The following SMAD2 variants were observed in gnomAD, a reference collection of about 807,000 sequenced individuals.
The protein encoded by SMAD2 is SMAD family member 2.
A neutral mutation model predicts 64.4 loss-of-function variants in SMAD2; 8 were observed. That is an observed-to-expected ratio of 0.12 (90% CI 0.07 to 0.22). The LOEUF (loss-of-function observed/expected upper bound fraction) is 0.22. Among genes scored for constraint, SMAD2 ranks in the 10% least tolerant of loss-of-function variants. The pLI, the probability that SMAD2 is intolerant of heterozygous loss-of-function variation, is 1.00. For synonymous variants in SMAD2, 203 were observed against 195.8 expected (o/e 1.04, Z -0.31); for missense variants, 289 against 561.2 (o/e 0.51, Z 4.90).
intron 2 of SMAD2, among the ~76,000 whole-genome samples, chr18:47,882,041 C>CTTTTTTTTTTTTTGTTTTTTTTTTTTTTT: frequency 2.6e-5 from 1 of 38,850 alleles, no homozygotes; most frequent in Non-Finnish European, 4.8e-5. Flanking sequence ...CCACGCTTGG[C>CTTTTTTTTTTTTTGTTTTTTTTTTTTTTT]TTTTTTTTTT....
chr18:47,883,570 T>C (rs2032731184), intron 2 of SMAD2, among the ~76,000 whole-genome samples: 1 of 152,238 alleles, frequency 6.6e-6, no homozygotes, highest in Non-Finnish European at 1.5e-5. Context: ...AATTGAACTC[T>C]CCAATTGTGG....
intron 2 of SMAD2, among the ~76,000 whole-genome samples, chr18:47,879,967 T>A (rs549220316): frequency 2.0e-5 from 3 of 152,222 alleles, no homozygotes; most frequent in Non-Finnish European, 4.4e-5. Context: ...ATTTCTTTAC[T>A]GGACCTTTAT....
intron 6 of SMAD2, among the ~76,000 whole-genome samples, chr18:47,856,643 C>A (rs2030708709): frequency 6.6e-6 from 1 of 152,018 alleles, no homozygotes; most frequent in African/African-American, 2.4e-5. Context: ...CTAAAACCAG[C>A]CAGACATATA....
At chr18:47,857,030 TG>T (rs2030758971) in intron 6 of SMAD2, among the ~76,000 whole-genome samples, 1 of 151,930 alleles carries the variant, frequency 6.6e-6, no homozygotes. Context: ...GCTAATTTTT[TG>T]TATTTTTAGT....
At chr18:47,889,964 G>A (rs940455882) in intron 2 of SMAD2, among the ~76,000 whole-genome samples, 1 of 152,100 alleles carries the variant, frequency 6.6e-6, no homozygotes, top group Non-Finnish European at 1.5e-5. Flanking sequence ...GATTAATTTA[G>A]GTATAATTTC....
intron 2 of SMAD2, among the ~76,000 whole-genome samples, chr18:47,889,317 G>A (rs2033068836): frequency 6.6e-6 from 1 of 152,138 alleles, no homozygotes; most frequent in Non-Finnish European, 1.5e-5. Flanking sequence ...GACCACACAG[G>A]CCTGGAAGGA....
At chr18:47,900,285 G>A (rs1016650423) in intron 1 of SMAD2, among the ~76,000 whole-genome samples, 4 of 151,974 alleles carry the variant, frequency 2.6e-5, no homozygotes, top group Non-Finnish European at 5.9e-5. Context: ...ACTCAACTAG[G>A]ACTAGCCACA....
In SMAD2 at chr18:47,841,848, C is replaced by A. The variant is rs762443360; in HGVS notation, c.1383G>T (p.Val461=). The stretch of plus-strand genomic sequence containing the variant: ...AGCTTTATGACATGCTTGAGCAACG[C>A]ACTGAAGGGGATCCCATCTGAGTTA... The part of the protein sequence containing the change: ...KVLTQMGSPS[V]RCSSMS Residue 461 remains valine (V), a synonymous_variant, in exon 11 of 11, where the codon GTG becomes GTT. Transcript: ENST00000262160. The A allele has an allele frequency of 1.9e-6, 3 of 1,614,172 alleles. No individual in the cohort carries two copies. Among genetic ancestry groups the A allele is most frequent in the Non-Finnish European group, 2.5e-6 (3 of 1,180,016 alleles).
chr18:47,929,345 G>A (rs908486430), intron 1 of SMAD2, among the ~76,000 whole-genome samples: 1 of 152,166 alleles, frequency 6.6e-6, no homozygotes, highest in Non-Finnish European at 1.5e-5. Flanking sequence ...TCATTCATAC[G>A]AAACTATCAG....
At chr18:47,850,861 T>TGTATA (rs2029978031) in intron 7 of SMAD2, among the ~76,000 whole-genome samples, 1 of 82,858 alleles carries the variant, frequency 1.2e-5, no homozygotes, top group Admixed American at 2.0e-4. Flanking sequence ...ATATATATTA[T>TGTATA]ATATATTATG....
chr18:47,922,768 A>G (rs2034613721), intron 1 of SMAD2: 1 of 152,266 alleles, frequency 6.6e-6, no homozygotes, highest in Admixed American at 6.5e-5. Context: ...AAAAAAATTA[A>G]AATACATAAA....
At chr18:47,922,467 T>G (rs1598902392) in intron 1 of SMAD2, 1 of 152,318 alleles carries the variant, frequency 6.6e-6, no homozygotes, top group East Asian at 1.9e-4. Flanking sequence ...ATAACAACTA[T>G]TTACATTGTA....
rs1244575923 is a variant in SMAD2, at chr18:47,896,751, C to T, written c.6G>A (p.Ser2=). The change falls in exon 2 of 11, where the codon TCG becomes TCA. Residue 2 remains serine, a synonymous_variant. Coordinates refer to ENST00000262160, the MANE Select transcript of SMAD2 (RefSeq NM_005901.6). M[S]SILPFTPPVV... ...CTGGCGGCGTGAATGGCAAGATGGACGACATGTTCTTACCAAAGGCAGCAA... is the reference window on the plus strand; with the variant it reads ...CTGGCGGCGTGAATGGCAAGATGGATGACATGTTCTTACCAAAGGCAGCAA... The T allele has an allele frequency of 1.2e-5, 20 of 1,613,630 alleles. No homozygotes were observed. The highest frequency in any genetic ancestry group is 1.5e-5 in the Non-Finnish European group (18 of 1,179,920).
In SMAD2 at chr18:47,810,772, T is replaced by TA. The variant is rs1912174622; in HGVS notation, c.*31054dup. 1 of 151,878 alleles carries TA rather than the reference T, an allele frequency of 6.6e-6. No individual in the cohort carries two copies. The highest frequency in any genetic ancestry group is 1.9e-4 in the East Asian group (1 of 5,150). 9.4% of individuals were successfully genotyped at this position (151,878 alleles called of 1,614,324 possible). A position where few individuals can be genotyped will look rare whatever the true frequency, so the allele number is the denominator to read the frequency against. On this transcript the variant is annotated 3_prime_UTR_variant, in exon 11 of 11. Coordinates refer to ENST00000262160, the MANE Select transcript of SMAD2 (RefSeq NM_005901.6). ...CAACACAGCAAGATCCTGTCTCTGT[T>TA]AAAAAAGAAGAAAGGAAATGTAAAT...
chr18:47,893,598 A>T (rs1598850694), intron 2 of SMAD2, among the ~76,000 whole-genome samples: 1 of 152,246 alleles, frequency 6.6e-6, no homozygotes, highest in South Asian at 2.1e-4. Context: ...GGATTTAGCC[A>T]TAACAAATCT....
rs1275377918 is a variant in SMAD2, at chr18:47,814,447, T to A, written c.*27380A>T. Reference sequence around the variant, plus strand: ...CAAAGCTTGGACAACTGAACATGAGTTTTACTCCTAACCATGGATAAGAGA... The same window carrying A: ...CAAAGCTTGGACAACTGAACATGAGATTTACTCCTAACCATGGATAAGAGA... On this transcript the variant is annotated 3_prime_UTR_variant, in exon 11 of 11. Coordinates refer to ENST00000262160, the MANE Select transcript of SMAD2 (RefSeq NM_005901.6). The A allele has an allele frequency of 3.3e-5, 5 of 152,090 alleles. No individual in the cohort carries two copies. The highest frequency in any genetic ancestry group is 5.9e-5 in the Non-Finnish European group (4 of 68,018). The allele number at this position is 152,090 out of a possible 1,614,324, so 9.4% of individuals were successfully genotyped here. A position where few individuals can be genotyped will look rare whatever the true frequency, so the allele number is the denominator to read the frequency against.
Position 47,835,301 on chromosome 18 carries a change from T to C in SMAD2, c.*6526A>G, listed in dbSNP as rs1356952133. On this transcript the variant is annotated 3_prime_UTR_variant, in exon 11 of 11. Transcript: ENST00000262160. Reference sequence around the variant, plus strand: ...AAATTCAAAACTCATGCATGTTACCTACTTGTCATGTGTGAATTATTTCTC... The same window carrying C: ...AAATTCAAAACTCATGCATGTTACCCACTTGTCATGTGTGAATTATTTCTC... The C allele has an allele frequency of 3.3e-5, 7 of 209,208 alleles. No individual in the cohort carries two copies. Among genetic ancestry groups the C allele is most frequent in the Non-Finnish European group, 6.8e-5 (7 of 102,834 alleles). The allele number at this position is 209,208 out of a possible 1,614,324, so 13.0% of individuals were successfully genotyped here.
At chr18:47,922,883 C>A (rs2034617488) in intron 1 of SMAD2, among the ~76,000 whole-genome samples, 1 of 152,180 alleles carries the variant, frequency 6.6e-6, no homozygotes, top group Non-Finnish European at 1.5e-5. Context: ...CCTAGGTCGG[C>A]CCCCATGGAG....
rs1912813769 is a variant in SMAD2 at position 47,827,816 on chromosome 18, ATC to A, written c.*14009_*14010del. 5.2e-6 allele frequency: 1 copy of A among 191,456 alleles called. No individual in the cohort carries two copies. Among genetic ancestry groups the A allele is most frequent in the South Asian group, 9.2e-5 (1 of 10,820 alleles). 11.9% of individuals were successfully genotyped at this position (191,456 alleles called of 1,614,324 possible). On this transcript the variant is annotated 3_prime_UTR_variant, in exon 11 of 11. Transcript: ENST00000262160. ...GCCCAGGCTGGAGTGCAGTGGCACG[ATC>A]TCGGCTCGCTACAACCTCCACCTCC...
Sources: gnomAD v4.1 joint callset for allele counts (sites outside exome capture counted in the v4.1 genomes callset) on GRCh38, gnomAD v4.1.1 for gene constraint, MANE v1.5 for transcripts, NCBI Gene and HGNC (gene_info 2026-07-23, HGNC 2026-07-21) for gene names.